The following ARHGAP6 variants were observed in gnomAD, a reference collection of about 807,000 sequenced individuals.
ARHGAP6 encodes the protein Rho GTPase activating protein 6, also known as rho GTPase-activating protein 6.
A neutral mutation model predicts 55.7 loss-of-function variants in ARHGAP6; 16 were observed. That is an observed-to-expected ratio of 0.29 (90% CI 0.19 to 0.44). The LOEUF (loss-of-function observed/expected upper bound fraction) is 0.44, where lower values mean the gene tolerates loss of function less well. Among genes scored for constraint, ARHGAP6 ranks in the 20% least tolerant of loss-of-function variants. ARHGAP6 has a pLI of 1.00. For synonymous variants in ARHGAP6, 382 were observed against 360.9 expected (o/e 1.06, Z -0.66); for missense variants, 698 against 808.9 (o/e 0.86, Z 1.66).
At chrX:11,659,476 A>G (rs1484128382) in intron 1 of ARHGAP6, among the ~76,000 whole-genome samples, 2 of 111,355 alleles carry the variant, frequency 1.8e-5, no homozygotes, top group Admixed American at 1.9e-4. Context: ...CTCCCACTAG[A>G]TGCCGGTAGG....
chrX:11,621,621 T>C (rs1055882757), intron 1 of ARHGAP6, among the ~76,000 whole-genome samples: 1 of 111,364 alleles, frequency 9.0e-6, no homozygotes, highest in African/African-American at 3.3e-5. Flanking sequence ...AATCAAAACT[T>C]GTAAAGGAGC....
At chrX:11,359,696 A>C (rs1336805463) in intron 1 of ARHGAP6, among the ~76,000 whole-genome samples, 1 of 108,141 alleles carries the variant, frequency 9.2e-6, no homozygotes, top group African/African-American at 3.4e-5. Flanking sequence ...AAAACCCTTC[A>C]AAAAATTAAT....
Position 11,179,381 on chromosome X carries a change from G to C in ARHGAP6, c.1401C>G (p.Ala467=). ...EEEHSVHDVA[A]LLKEFLRDMP... is the part of the protein sequence containing the mutation. ...TGTCCCTCAGGAACTCTTTCAGCAAGGCTGCCACATCATGAACACTGTGCT... is the reference window on the plus strand; with the variant it reads ...TGTCCCTCAGGAACTCTTTCAGCAACGCTGCCACATCATGAACACTGTGCT... Residue 467 remains alanine, a synonymous_variant, in exon 7 of 13, where the codon GCC becomes GCG. Coordinates refer to ENST00000337414, the MANE Select transcript of ARHGAP6 (RefSeq NM_013427.3). 1 of 1,210,478 alleles carries C rather than the reference G, an allele frequency of 8.3e-7. No homozygotes were observed. Among genetic ancestry groups the C allele is most frequent in the Non-Finnish European group, 1.1e-6 (1 of 895,066 alleles).
At chrX:11,354,289 C>CTT (rs1569311416) in intron 1 of ARHGAP6, among the ~76,000 whole-genome samples, 25 of 73,041 alleles carry the variant, frequency 3.4e-4, no homozygotes, top group African/African-American at 9.0e-4. Flanking sequence ...CTCTCTCTCT[C>CTT]TCTCTTTCTC....
intron 1 of ARHGAP6, among the ~76,000 whole-genome samples, chrX:11,332,366 T>G (rs2048573563): frequency 8.9e-6 from 1 of 112,045 alleles, no homozygotes; most frequent in African/African-American, 3.2e-5. Flanking sequence ...ACTTTTTTCT[T>G]GATGCAAACA....
At chrX:11,581,040 C>G (rs2051659671) in intron 1 of ARHGAP6, among the ~76,000 whole-genome samples, 1 of 112,187 alleles carries the variant, frequency 8.9e-6, no homozygotes, top group Admixed American at 9.5e-5. Context: ...CAAGTGTGAA[C>G]AGCGATTAAT....
At chrX:11,488,081 CAA>C (rs1436721400) in intron 1 of ARHGAP6, among the ~76,000 whole-genome samples, 2 of 111,762 alleles carry the variant, frequency 1.8e-5, no homozygotes, top group Admixed American at 9.5e-5. Context: ...CAAAAAATGC[CAA>C]AGTCATGCAA....
chrX:11,317,506 C>T (rs2048373008), intron 1 of ARHGAP6, among the ~76,000 whole-genome samples: 1 of 112,187 alleles, frequency 8.9e-6, no homozygotes, highest in Non-Finnish European at 1.9e-5. Flanking sequence ...AAGAGCACTG[C>T]AGGAAAAAGG....
chrX:11,214,355 T>C (rs2046847767), intron 2 of ARHGAP6, among the ~76,000 whole-genome samples: 1 of 111,341 alleles, frequency 9.0e-6, no homozygotes, highest in Admixed American at 9.4e-5. Context: ...AGATAAAACA[T>C]AAAAGCACAA....
chrX:11,261,252 G>A (rs534513344), intron 1 of ARHGAP6, among the ~76,000 whole-genome samples: 4 of 111,302 alleles, frequency 3.6e-5, no homozygotes, highest in East Asian at 2.8e-4. Context: ...TAGGTGACGC[G>A]GGGAAGAGTT....
At chrX:11,581,598 AGTACCG>A (rs1486774774) in intron 1 of ARHGAP6, among the ~76,000 whole-genome samples, 2 of 111,874 alleles carry the variant, frequency 1.8e-5, no homozygotes, top group African/African-American at 6.5e-5. Flanking sequence ...AAAGAAATGA[AGTACCG>A]GTACTTGTTA....
chrX:11,318,224 A>G (rs1426744213), intron 1 of ARHGAP6, among the ~76,000 whole-genome samples: 1 of 112,199 alleles, frequency 8.9e-6, no homozygotes, highest in Non-Finnish European at 1.9e-5. Context: ...AGCTGGCATA[A>G]TTGCTGGACT....
At chrX:11,394,331 C>T (rs926586490) in intron 1 of ARHGAP6, among the ~76,000 whole-genome samples, 13 of 111,338 alleles carry the variant, frequency 1.2e-4, no homozygotes, top group Non-Finnish European at 2.5e-4. Flanking sequence ...CCATAGAAGG[C>T]AAAGCTGTTC....
At chrX:11,647,753 CA>C (rs1370753552) in intron 1 of ARHGAP6, among the ~76,000 whole-genome samples, 1 of 112,288 alleles carries the variant, frequency 8.9e-6, no homozygotes, top group Non-Finnish European at 1.9e-5. Context: ...CATAGATAAA[CA>C]GTGACACTTG....
At chrX:11,577,645 T>C (rs1030551072) in intron 1 of ARHGAP6, among the ~76,000 whole-genome samples, 2 of 111,762 alleles carry the variant, frequency 1.8e-5, no homozygotes, top group African/African-American at 6.5e-5. Context: ...AAGAAACTTC[T>C]AGGGTCATCT....
intron 1 of ARHGAP6, among the ~76,000 whole-genome samples, chrX:11,387,767 T>C (rs2049348196): frequency 1.8e-5 from 2 of 110,892 alleles, no homozygotes; most frequent in Admixed American, 1.9e-4. Flanking sequence ...TGTGTTCTTA[T>C]TGTTCAATTC....
intron 1 of ARHGAP6, among the ~76,000 whole-genome samples, chrX:11,289,897 G>C (rs1309420402): frequency 9.0e-6 from 1 of 111,535 alleles, no homozygotes; most frequent in African/African-American, 3.3e-5. Flanking sequence ...AGGCAGGAGA[G>C]TCACTTAAAC....
chrX:11,527,011 A>AGTGTGTGTGTGT lies in ARHGAP6; in HGVS notation c.588+137218_588+137229dup, dbSNP rs59668043. On this transcript the variant is annotated intron_variant, in intron 1 of 12. Coordinates refer to ENST00000337414, the MANE Select transcript of ARHGAP6 (RefSeq NM_013427.3). ...CTAATGATGCTTTGCTAATATGAGG[A>AGTGTGTGTGTGT]GTGTGTGTGTGTGTGTGTGTGTGTG... is the stretch of plus-strand genomic sequence containing the variant. Among the ~76,000 whole-genome samples the AGTGTGTGTGTGT allele has an allele frequency of 7.7e-3, 627 of 81,046 alleles. 6 individuals carry two copies. The highest frequency in any genetic ancestry group is 0.019 in the Middle Eastern group (3 of 155). 70.4% of individuals were successfully genotyped at this position (81,046 alleles called of 115,157 possible).
intron 1 of ARHGAP6, among the ~76,000 whole-genome samples, chrX:11,657,488 T>C (rs2052652361): frequency 9.2e-6 from 1 of 108,623 alleles, no homozygotes; most frequent in Non-Finnish European, 1.9e-5. Context: ...CTGGTAAACC[T>C]AGGCAAGCAG....
Sources: gnomAD v4.1 joint callset for allele counts (sites outside exome capture counted in the v4.1 genomes callset) on GRCh38, gnomAD v4.1.1 for gene constraint, MANE v1.5 for transcripts, NCBI Gene and HGNC (gene_info 2026-07-23, HGNC 2026-07-21) for gene names.